Variants in RGS18 observed in about 807,000 individuals in gnomAD.
The protein encoded by RGS18 is regulator of G protein signaling 18.
A neutral mutation model predicts 27.6 loss-of-function variants in RGS18; 22 were observed. That is an observed-to-expected ratio of 0.80 (90% CI 0.57 to 1.14). The LOEUF is 1.14. Ranked by LOEUF, RGS18 falls within the 50% of genes most tolerant of loss-of-function variation. The pLI is 0.00. For missense variants in RGS18, 299 were observed against 269.6 expected, an observed-to-expected ratio of 1.11 and a Z score of -0.76; for synonymous variants, 89 against 84.6, an observed-to-expected ratio of 1.05 and a Z score of -0.29.
chr1:192,177,653 C>T (rs1172455598), intron 3 of RGS18, among the ~76,000 whole-genome samples: 31 of 151,524 alleles, frequency 2.0e-4, no homozygotes, highest in Admixed American at 1.9e-3. Flanking sequence ...GAAGTCTTTC[C>T]GGACAAGATG....
At chr1:192,162,064 A>T (rs1382554538) in intron 3 of RGS18, among the ~76,000 whole-genome samples, 1 of 152,202 alleles carries the variant, frequency 6.6e-6, no homozygotes, top group East Asian at 1.9e-4. Context: ...TTAGTTAAGG[A>T]TGTAATCAAT....
Position 192,158,684 on chromosome 1 carries a change from C to A in RGS18, c.47C>A (p.Ser16Ter). 6.3e-7 allele frequency: 1 copy of A among 1,579,150 alleles called. No individual in the cohort carries two copies. The highest frequency in any genetic ancestry group is 8.6e-7 in the Non-Finnish European group (1 of 1,168,486). Residue 16 changes from serine to a stop codon, truncating the protein, a stop_gained, in exon 1 of 5, where the codon TCA (serine) becomes TAA (stop). Coordinates refer to ENST00000367460, the MANE Select transcript of RGS18 (RefSeq NM_130782.3). LOFTEE classifies it high-confidence loss of function. ...TTTTCTCAAATAAATATGTGTGAATCAAAAGAAAAAACTTTTTTCAAGTTA... is the reference window on the plus strand; with the variant it reads ...TTTTCTCAAATAAATATGTGTGAATAAAAAGAAAAAACTTTTTTCAAGTTA... ...LFFSQINMCESKEKTFFKLIH... is the reference protein window; with the variant it reads ...LFFSQINMCE
chr1:192,184,858 G>T lies in RGS18; in HGVS notation c.*304G>T. ...GATTGTAGAGTTAAGTAAAAGTTAA[G>T]CTTTTGCAAAGTTGTCAAAAGTTCA... On this transcript the variant is annotated 3_prime_UTR_variant, in exon 5 of 5. Transcript: ENST00000367460. 1 of 242,902 alleles carries T rather than the reference G, an allele frequency of 4.1e-6. No homozygotes were observed. The highest frequency in any genetic ancestry group is 2.3e-5 in the African/African-American group (1 of 44,198). The allele number at this position is 242,902 out of a possible 1,614,324, so 15.0% of individuals were successfully genotyped here. A position where few individuals can be genotyped will look rare whatever the true frequency, so the allele number is the denominator to read the frequency against.
At chr1:192,181,858 C>A (rs1656463082) in intron 4 of RGS18, among the ~76,000 whole-genome samples, 1 of 151,588 alleles carries the variant, frequency 6.6e-6, no homozygotes, top group East Asian at 1.9e-4. Flanking sequence ...ATCCTTCCTA[C>A]CTTACCTAGC....
chr1:192,162,586 G>A (rs1173656173), intron 3 of RGS18, among the ~76,000 whole-genome samples: 2 of 152,086 alleles, frequency 1.3e-5, no homozygotes. Flanking sequence ...CCCAGCCCCA[G>A]TATACAACAA....
At chr1:192,171,365 G>T (rs889107123) in intron 3 of RGS18, among the ~76,000 whole-genome samples, 15 of 152,028 alleles carry the variant, frequency 9.9e-5, no homozygotes, top group African/African-American at 3.6e-4. Flanking sequence ...AGTTGTGTTT[G>T]ACTAGAAATT....
chr1:192,184,645 A>G lies in RGS18; in HGVS notation c.*91A>G. Reference sequence around the variant, plus strand: ...ATGTTAAGATTTGGTCCCATCCTTTAAACTGAAATATGTCATGTGAAATTA... The same window carrying G: ...ATGTTAAGATTTGGTCCCATCCTTTGAACTGAAATATGTCATGTGAAATTA... On this transcript the variant is annotated 3_prime_UTR_variant, in exon 5 of 5. Coordinates refer to ENST00000367460, the MANE Select transcript of RGS18 (RefSeq NM_130782.3). 8.4e-7 allele frequency: 1 copy of G among 1,191,556 alleles called. No homozygotes were observed. Among genetic ancestry groups the G allele is most frequent in the Non-Finnish European group, 1.2e-6 (1 of 843,136 alleles). The allele number at this position is 1,191,556 out of a possible 1,614,324, so 73.8% of individuals were successfully genotyped here.
chr1:192,182,411 T>C (rs1406819603), intron 4 of RGS18, among the ~76,000 whole-genome samples: 1 of 151,616 alleles, frequency 6.6e-6, no homozygotes, highest in Admixed American at 6.6e-5. Context: ...TATCTCATTA[T>C]GGTTTCTACG....
chr1:192,165,175 C>T lies in RGS18; in HGVS notation c.283+4736C>T, dbSNP rs148746361. ...CCGCTCTGGGAGTGTCTGCTTTATG[C>T]CGTTGTAGGTAGGGATGAAACATGC... On this transcript the variant is annotated intron_variant, in intron 3 of 4. Transcript: ENST00000367460. Among the ~76,000 whole-genome samples, 6 of 152,192 alleles carry T rather than the reference C, an allele frequency of 3.9e-5. No individual in the cohort carries two copies. The East Asian group carries it at 9.7e-4, about 25-fold the overall frequency.
chr1:192,165,317 C>T (rs1937236), intron 3 of RGS18, among the ~76,000 whole-genome samples: 95,292 of 151,996 alleles, frequency 0.63, 31,218 homozygotes, highest in East Asian at 0.79. Flanking sequence ...TGTTTATCGA[C>T]GACAATGCTT....
intron 2 of RGS18, 35 bp downstream of exon 2, chr1:192,159,356 G>C: frequency 7.1e-7 from 1 of 1,402,650 alleles, no homozygotes; most frequent in Non-Finnish European, 1.0e-6. Flanking sequence ...GGAAGATTTT[G>C]CTGATTCTAT....
rs540558465 is a variant in RGS18 at position 192,176,710 on chromosome 1, C to A, written c.284-4582C>A. Among the ~76,000 whole-genome samples the A allele has an allele frequency of 2.1e-4, 32 of 151,722 alleles. No individual in the cohort carries two copies. The South Asian group carries it at 5.4e-3, about 26-fold the overall frequency. ...ACCTAGACCAGTGTCTGGAACACAGCATGTGATCAATATTGTTTCAATGAA... is the reference window on the plus strand; with the variant it reads ...ACCTAGACCAGTGTCTGGAACACAGAATGTGATCAATATTGTTTCAATGAA... On this transcript the variant is annotated intron_variant, in intron 3 of 4. Coordinates refer to ENST00000367460, the MANE Select transcript of RGS18 (RefSeq NM_130782.3).
In RGS18 at chr1:192,161,963, G is replaced by A. The variant is rs143494573; in HGVS notation, c.283+1524G>A. Among the ~76,000 whole-genome samples the A allele has an allele frequency of 3.9e-3, 595 of 152,238 alleles. 4 individuals are homozygous for A. The highest frequency in any genetic ancestry group is 0.014 in the African/African-American group (573 of 41,546). ...GTGATATAAAAATTCTATATCTGTA[G>A]ATGATACCTGAAAACTTTCCCTCTG... On this transcript the variant is annotated intron_variant, in intron 3 of 4. Coordinates refer to ENST00000367460, the MANE Select transcript of RGS18 (RefSeq NM_130782.3).
chr1:192,178,864 T>G (rs1427478172), intron 3 of RGS18, among the ~76,000 whole-genome samples: 1 of 151,634 alleles, frequency 6.6e-6, no homozygotes, highest in Non-Finnish European at 1.5e-5. Flanking sequence ...GAAACTTTGT[T>G]TTTCAGAATT....
chr1:192,171,626 T>C (rs907404691), intron 3 of RGS18, among the ~76,000 whole-genome samples: 5 of 152,106 alleles, frequency 3.3e-5, no homozygotes, highest in African/African-American at 1.2e-4. Flanking sequence ...CATCCTTTTC[T>C]TGTGGTAGTG....
intron 3 of RGS18, among the ~76,000 whole-genome samples, chr1:192,163,831 A>C (rs932026094): frequency 6.7e-6 from 1 of 150,038 alleles, no homozygotes; most frequent in African/African-American, 2.4e-5. Context: ...TATTTATTTG[A>C]CTCTAGTAGA....
At chr1:192,181,219 G>A in intron 3 of RGS18, 73 bp from the exon 4 acceptor site, 2 of 838,536 alleles carry the variant, frequency 2.4e-6, no homozygotes, top group Non-Finnish European at 3.6e-6. Context: ...TTGCAATTAT[G>A]TTTTATTATC....
intron 3 of RGS18, among the ~76,000 whole-genome samples, chr1:192,166,882 G>T (rs1045193923): frequency 1.7e-4 from 26 of 152,124 alleles, no homozygotes; most frequent in African/African-American, 6.0e-4. Flanking sequence ...CTTATAGAAA[G>T]AGATTTTCTA....
chr1:192,185,112 A>G lies in RGS18; in HGVS notation c.*558A>G, dbSNP rs186591049. On this transcript the variant is annotated 3_prime_UTR_variant, in exon 5 of 5. Transcript: ENST00000367460. The stretch of plus-strand genomic sequence containing the variant: ...GAATAGTAATATCACCTCTAGTTAT[A>G]AGCCAGCAACAGGAACTTTTGTGAA... The G allele has an allele frequency of 2.6e-5, 4 of 152,640 alleles. No homozygotes were observed. The highest frequency in any genetic ancestry group is 3.4e-3 in the Middle Eastern group (1 of 294). The allele number at this position is 152,640 out of a possible 1,614,324, so 9.5% of individuals were successfully genotyped here.
Sources: allele counts gnomAD v4.1 joint callset (sites outside exome capture counted in the v4.1 genomes callset), GRCh38; gene constraint gnomAD v4.1.1; transcripts MANE v1.5; gene names NCBI Gene and HGNC (gene_info 2026-07-23, HGNC 2026-07-21).